The following CDK13 variants were observed in gnomAD, a reference collection of about 807,000 sequenced individuals.
The protein encoded by CDK13 is cyclin dependent kinase 13, also known as cyclin-dependent kinase 13.
In CDK13, 40 loss-of-function variants were observed where a neutral mutation model predicts 137.6. That is an observed-to-expected ratio of 0.29 (90% CI 0.23 to 0.38). The LOEUF (loss-of-function observed/expected upper bound fraction) is 0.38. Ranked by LOEUF, CDK13 falls within the 10% of genes least tolerant of loss-of-function variation. The pLI is 1.00. For missense variants in CDK13, 1,704 were observed against 1,951.8 expected (o/e 0.87, Z 2.39); for synonymous variants, 869 against 760.1 (o/e 1.14, Z -2.36).
chr7:40,032,280 A>G (rs1000910725), intron 5 of CDK13, among the ~76,000 whole-genome samples: 3 of 152,174 alleles, frequency 2.0e-5, no homozygotes, highest in Admixed American at 2.0e-4. Context: ...CACGTTGCCC[A>G]GACTGGTTTC....
chr7:40,029,753 A>G (rs1394613030), intron 5 of CDK13, among the ~76,000 whole-genome samples: 2 of 151,898 alleles, frequency 1.3e-5, no homozygotes, highest in African/African-American at 2.4e-5. Context: ...CCCGGGTTCA[A>G]GCGATTCTCC....
At chr7:39,986,729 T>G (rs1032731074) in intron 1 of CDK13, 2 of 152,252 alleles carry the variant, frequency 1.3e-5, no homozygotes, top group Admixed American at 1.3e-4. Flanking sequence ...GTTTTTACTT[T>G]GTTGCATTTT....
intron 12 of CDK13, among the ~76,000 whole-genome samples, chr7:40,089,652 C>T (rs1192025380): frequency 6.6e-6 from 1 of 151,446 alleles, no homozygotes; most frequent in African/African-American, 2.4e-5. Flanking sequence ...TTTAATTTAA[C>T]ACCATCTTTA....
intron 7 of CDK13, chr7:40,059,178 A>G (rs1786085905): frequency 1.3e-5 from 2 of 152,092 alleles, no homozygotes; most frequent in South Asian, 4.1e-4. Context: ...TTCTATATAT[A>G]TCTAGACCAG....
chr7:39,982,657 C>T (rs996290506), intron 1 of CDK13, among the ~76,000 whole-genome samples: 10 of 152,198 alleles, frequency 6.6e-5, no homozygotes, highest in Non-Finnish European at 1.3e-4. Context: ...TCCTATTTCT[C>T]CACATCCTCT....
intron 6 of CDK13, among the ~76,000 whole-genome samples, chr7:40,046,937 G>A (rs962506542): frequency 4.2e-5 from 6 of 143,882 alleles, no homozygotes; most frequent in African/African-American, 1.5e-4. Flanking sequence ...CAGAAGTGGA[G>A]TTGAGTGGAG....
chr7:40,051,999 C>T (rs1372270675), intron 7 of CDK13, among the ~76,000 whole-genome samples: 1 of 152,118 alleles, frequency 6.6e-6, no homozygotes, highest in Non-Finnish European at 1.5e-5. Flanking sequence ...GTTTTTCTGA[C>T]AGCTACAATG....
At position 39,988,067 on chromosome 7, in the gene CDK13, A is replaced by G. The variant is rs1401435471; in HGVS notation, c.1680A>G (p.Lys560=). ...TGATTGTAGATAAAGCCACCAAGAA[A>G]GCAGTCATAGTTGGAAAGGAGAGTA... ...NNLIVDKATK[K]AVIVGKESKS... is the part of the protein sequence containing the mutation. The change falls in exon 2 of 14, where the codon AAA becomes AAG. Residue 560 remains lysine, a synonymous_variant. Transcript: ENST00000181839. 1.2e-6 allele frequency: 2 copies of G among 1,614,096 alleles called. No homozygotes were observed. The highest frequency in any genetic ancestry group is 1.7e-6 in the Non-Finnish European group (2 of 1,180,046).
At chr7:40,023,778 C>A (rs1046073532) in intron 5 of CDK13, among the ~76,000 whole-genome samples, 5 of 152,212 alleles carry the variant, frequency 3.3e-5, no homozygotes, top group Non-Finnish European at 5.9e-5. Flanking sequence ...AGCCACCACG[C>A]CCGGCCCTGG....
Position 40,098,901 on chromosome 7 carries a change from C to G in CDK13, c.*3921C>G, listed in dbSNP as rs1787093756. 6.6e-6 allele frequency: 1 copy of G among 151,862 alleles called. No homozygotes were observed. Among genetic ancestry groups the G allele is most frequent in the Admixed American group, 6.6e-5 (1 of 15,232 alleles). 9.4% of individuals were successfully genotyped at this position (151,862 alleles called of 1,614,324 possible). Reference sequence around the variant, plus strand: ...AAAAACATCTTCAAAATTTAGGAGCCTGAAGGGGCTGTTTGTTTCATATAT... The same window carrying G: ...AAAAACATCTTCAAAATTTAGGAGCGTGAAGGGGCTGTTTGTTTCATATAT... On this transcript the variant is annotated 3_prime_UTR_variant, in exon 14 of 14. Coordinates refer to ENST00000181839, the MANE Select transcript of CDK13 (RefSeq NM_003718.5).
rs961003617 is a variant in CDK13 at position 40,088,197 on chromosome 7, C to T, written c.3101C>T (p.Thr1034Ile). ...KRRRQKQMGM[T>I]DDVSTIKAPR... ...AGAAGACAGAAGCAGATGGGCATGA[C>T]TGATGATGTTTCCACAATTAAAGCC... The change falls in exon 12 of 14, where the codon ACT (threonine) becomes ATT (isoleucine). Residue 1034 changes from threonine (T) to isoleucine (I), a missense_variant. Physicochemically the swap from Thr to Ile is moderately conservative, Grantham distance 89. This residue lies in a region of CDK13 where 475 missense variants were observed against 579.3 expected (regional missense o/e 0.82). Transcript: ENST00000181839. 2 of 1,613,606 alleles carry T rather than the reference C, an allele frequency of 1.2e-6. No individual in the cohort carries two copies.
intron 1 of CDK13, among the ~76,000 whole-genome samples, chr7:39,965,483 C>T (rs1783850366): frequency 6.6e-6 from 1 of 152,128 alleles, no homozygotes; most frequent in South Asian, 2.1e-4. Context: ...GATCTTCCTC[C>T]ATCTCTTTAT....
intron 4 of CDK13, among the ~76,000 whole-genome samples, chr7:40,001,202 C>T (rs1412722045): frequency 6.7e-6 from 1 of 150,202 alleles, no homozygotes; most frequent in African/African-American, 2.4e-5. Flanking sequence ...GTGTGATATA[C>T]CCAGTCTTCA....
intron 5 of CDK13, among the ~76,000 whole-genome samples, chr7:40,006,244 T>C (rs1583979307): frequency 6.6e-6 from 1 of 152,310 alleles, no homozygotes; most frequent in Non-Finnish European, 1.5e-5. Context: ...AGTTTCTTCA[T>C]GTATGGAAGG....
intron 8 of CDK13, 25 bp from the exon 9 acceptor site, chr7:40,062,998 T>A: frequency 6.2e-7 from 1 of 1,608,810 alleles, no homozygotes. Flanking sequence ...GATCATTTGG[T>A]AATGACGGGT....
At chr7:39,992,272 G>T (rs808913) in intron 2 of CDK13, among the ~76,000 whole-genome samples, 1 of 151,762 alleles carries the variant, frequency 6.6e-6, no homozygotes, top group African/African-American at 2.4e-5. Context: ...ATCTAGGCTC[G>T]CTGCAACCTC....
At chr7:40,066,780 A>G (rs1220888731) in intron 9 of CDK13, 1 of 152,238 alleles carries the variant, frequency 6.6e-6, no homozygotes, top group African/African-American at 2.4e-5. Context: ...AATTCCATTC[A>G]GTGAATCCTC....
At chr7:40,003,124 A>G (rs1436991335) in intron 5 of CDK13, among the ~76,000 whole-genome samples, 1 of 147,046 alleles carries the variant, frequency 6.8e-6, no homozygotes, top group Non-Finnish European at 1.5e-5. Context: ...CTGATTGAAC[A>G]TGGTACTTAG....
chr7:39,997,772 C>T (rs962773964), intron 3 of CDK13, 108 bp downstream of exon 3: 20 of 780,362 alleles, frequency 2.6e-5, no homozygotes, highest in African/African-American at 2.4e-4. Flanking sequence ...TGTACTTATT[C>T]TTTCAACTTA....
Sources: allele counts gnomAD v4.1 joint callset (sites outside exome capture counted in the v4.1 genomes callset), GRCh38; gene constraint gnomAD v4.1.1; regional missense constraint gnomAD v4.1.1; transcripts MANE v1.5; gene names NCBI Gene and HGNC (gene_info 2026-07-23, HGNC 2026-07-21).